The following LYPD6 variants were observed in gnomAD, a reference collection of about 807,000 sequenced individuals.
LYPD6 encodes LY6/PLAUR domain containing 6.
LYPD6 carries 15 observed loss-of-function variants against 22.7 expected under a neutral mutation model. The ratio of observed to expected loss-of-function variants is 0.66; its 90% confidence interval spans 0.44 to 1.02. The LOEUF is 1.02. Among genes scored for constraint, LYPD6 ranks in the 50% least tolerant of loss-of-function variants. The probability of loss-of-function intolerance (pLI) is 0.00; values close to 1 mark genes in which losing one functional copy is unlikely to be tolerated. For missense variants in LYPD6, 189 were observed against 208.4 expected, an observed-to-expected ratio of 0.91 and a Z score of 0.57; for synonymous variants, 72 against 77.5, an observed-to-expected ratio of 0.93 and a Z score of 0.37.
At chr2:149,380,366 T>C (rs1021843141) in intron 1 of LYPD6, among the ~76,000 whole-genome samples, 1 of 152,192 alleles carries the variant, frequency 6.6e-6, no homozygotes, top group Non-Finnish European at 1.5e-5. Context: ...GAAGAGGCTA[T>C]AGAGGCAAAG....
At chr2:149,384,855 A>G (rs1434872088) in intron 1 of LYPD6, among the ~76,000 whole-genome samples, 4 of 151,326 alleles carry the variant, frequency 2.6e-5, no homozygotes, top group African/African-American at 7.3e-5. Flanking sequence ...CATTAGGTAT[A>G]TCTCCTAAAA....
At chr2:149,371,906 A>G (rs1293062542) in intron 1 of LYPD6, among the ~76,000 whole-genome samples, 1 of 152,046 alleles carries the variant, frequency 6.6e-6, no homozygotes, top group East Asian at 1.9e-4. Context: ...GGGGTATTGG[A>G]CCATCGAGGG....
intron 2 of LYPD6, among the ~76,000 whole-genome samples, chr2:149,439,249 C>T (rs114992865): frequency 0.012 from 1,819 of 152,238 alleles, 44 homozygotes; most frequent in African/African-American, 0.042. Flanking sequence ...TCTCTGTACC[C>T]TCTTATCAGT....
chr2:149,444,725 T>G (rs771368733), intron 2 of LYPD6, among the ~76,000 whole-genome samples: 9 of 152,200 alleles, frequency 5.9e-5, no homozygotes, highest in Non-Finnish European at 1.3e-4. Flanking sequence ...TTACAGCAGT[T>G]CAGTCACCTT....
At chr2:149,467,364 G>C (rs926730499) in intron 3 of LYPD6, among the ~76,000 whole-genome samples, 6 of 152,196 alleles carry the variant, frequency 3.9e-5, no homozygotes, top group Non-Finnish European at 7.3e-5. Flanking sequence ...GAAAGTGGCA[G>C]CTCTTAGTAC....
intron 3 of LYPD6, among the ~76,000 whole-genome samples, chr2:149,465,766 G>C (rs1681186110): frequency 6.6e-6 from 1 of 152,106 alleles, no homozygotes; most frequent in Non-Finnish European, 1.5e-5. Flanking sequence ...CGTGCACATG[G>C]GTGTGAATTT....
At chr2:149,366,969 A>G (rs1026806255) in intron 1 of LYPD6, among the ~76,000 whole-genome samples, 4 of 152,048 alleles carry the variant, frequency 2.6e-5, no homozygotes, top group African/African-American at 9.7e-5. Context: ...TTTAGAGGCT[A>G]TTTCATTTTT....
At chr2:149,386,779 G>A (rs1054295475) in intron 1 of LYPD6, among the ~76,000 whole-genome samples, 14 of 152,224 alleles carry the variant, frequency 9.2e-5, no homozygotes, top group Non-Finnish European at 1.8e-4. Context: ...TACAGTTTCT[G>A]TGTGGCAGCC....
chr2:149,421,824 G>A (rs2105133350), intron 1 of LYPD6, among the ~76,000 whole-genome samples: 1 of 152,238 alleles, frequency 6.6e-6, no homozygotes, highest in East Asian at 1.9e-4. Flanking sequence ...GGTTCTGTCT[G>A]TGAAACCGTT....
At chr2:149,463,966 T>C (rs1415983423) in intron 3 of LYPD6, among the ~76,000 whole-genome samples, 1 of 152,116 alleles carries the variant, frequency 6.6e-6, no homozygotes, top group Non-Finnish European at 1.5e-5. Flanking sequence ...TGGGTTAATG[T>C]CAATATCACA....
chr2:149,391,657 TAC>T (rs1682312659), intron 1 of LYPD6, among the ~76,000 whole-genome samples: 4 of 152,282 alleles, frequency 2.6e-5, no homozygotes, highest in Admixed American at 2.6e-4. Flanking sequence ...TTCACAGTGG[TAC>T]ACTTAGGGGC....
At position 149,473,996 on chromosome 2, in the gene LYPD6, G is replaced by A. The variant is rs1681403109; in HGVS notation, c.*3146G>A. ...AATCGTATTCTATTTTGGGGGTTGT[G>A]TTAATGATGATGAACCAGAAAAGAT... On this transcript the variant is annotated 3_prime_UTR_variant, in exon 5 of 5. Transcript: ENST00000334166. 6.6e-6 allele frequency: 1 copy of A among 152,074 alleles called. No homozygotes were observed. Among genetic ancestry groups the A allele is most frequent in the Non-Finnish European group, 1.5e-5 (1 of 68,022 alleles). The allele number at this position is 152,074 out of a possible 1,614,324, so 9.4% of individuals were successfully genotyped here. A position where few individuals can be genotyped will look rare whatever the true frequency, so the allele number is the denominator to read the frequency against.
intron 1 of LYPD6, among the ~76,000 whole-genome samples, chr2:149,395,326 A>T (rs1294512800): frequency 6.6e-6 from 1 of 152,156 alleles, no homozygotes. Flanking sequence ...ATTCTTTTTC[A>T]AAAGTTTTCT....
intron 4 of LYPD6, among the ~76,000 whole-genome samples, 198 bp downstream of exon 4, chr2:149,468,973 A>G (rs1391944885): frequency 6.6e-6 from 1 of 152,226 alleles, no homozygotes; most frequent in Non-Finnish European, 1.5e-5. Context: ...GACAACTGAT[A>G]TAAATTGTGT....
upstream of LYPD6, chr2:149,330,565 C>T (rs1680913828): frequency 6.6e-6 from 1 of 151,000 alleles, no homozygotes; most frequent in South Asian, 2.1e-4. Flanking sequence ...TAGCCGCCCC[C>T]CGCCTCTCCC....
intron 1 of LYPD6, among the ~76,000 whole-genome samples, chr2:149,381,206 A>G (rs1682054338): frequency 6.6e-6 from 1 of 152,186 alleles, no homozygotes; most frequent in Non-Finnish European, 1.5e-5. Context: ...CTGGTACCTT[A>G]TAGGGGAACT....
At chr2:149,348,577 G>A (rs545509318) in intron 1 of LYPD6, among the ~76,000 whole-genome samples, 98 of 152,330 alleles carry the variant, frequency 6.4e-4, no homozygotes, top group African/African-American at 2.2e-3. Flanking sequence ...CTCCAAGAAG[G>A]CAGGTAGAGC....
chr2:149,449,732 A>G (rs944466004), intron 3 of LYPD6, among the ~76,000 whole-genome samples: 1 of 152,220 alleles, frequency 6.6e-6, no homozygotes, highest in East Asian at 1.9e-4. Flanking sequence ...TTATCCTATC[A>G]AAAAGAAATA....
Position 149,437,644 on chromosome 2 carries a change from G to T in LYPD6, c.-65G>T. ...TTCTTTCTTCATTTTTCAGGTGCAA[G>T]TTCTCTCCTGTTGCCCTGAGTGCCC... is the stretch of plus-strand genomic sequence containing the variant. On this transcript the variant is annotated 5_prime_UTR_variant, in exon 2 of 5. Coordinates refer to ENST00000334166, the MANE Select transcript of LYPD6 (RefSeq NM_194317.5). 13 of 1,596,252 alleles carry T rather than the reference G, an allele frequency of 8.1e-6. No homozygotes were observed. Among genetic ancestry groups the T allele is most frequent in the Non-Finnish European group, 1.1e-5 (13 of 1,169,758 alleles).
Sources: gnomAD v4.1 joint callset for allele counts (sites outside exome capture counted in the v4.1 genomes callset) on GRCh38, gnomAD v4.1.1 for gene constraint, MANE v1.5 for transcripts, NCBI Gene and HGNC (gene_info 2026-07-23, HGNC 2026-07-21) for gene names.